The following TAS2R1 variants were observed in gnomAD, a reference collection of about 807,000 sequenced individuals.
TAS2R1 encodes the protein taste 2 receptor member 1, also known as taste receptor type 2 member 1.
For synonymous variants in TAS2R1, 141 were observed against 134.2 expected (o/e 1.05, Z -0.35); for missense variants, 370 against 353.4 (o/e 1.05, Z -0.38).
At chr5:9,770,605 A>G in the TAS2R1 span, among the ~76,000 whole-genome samples, 2 of 151,874 alleles carry the variant, frequency 1.3e-5, no homozygotes, top group Non-Finnish European at 2.9e-5. Flanking sequence ...CAATTATAGA[A>G]ATATCTCACT....
the TAS2R1 span, among the ~76,000 whole-genome samples, chr5:9,719,853 G>A: frequency 1.4e-5 from 2 of 145,984 alleles, no homozygotes; most frequent in East Asian, 4.1e-4. Flanking sequence ...GGGAGGCGGA[G>A]CTTGCAGTGA....
At chr5:9,632,419 C>G (rs762690023), upstream of TAS2R1, among the ~76,000 whole-genome samples, 1 of 152,114 alleles carries the variant, frequency 6.6e-6, no homozygotes, top group Non-Finnish European at 1.5e-5. Context: ...GTGGCTGTGG[C>G]AATTTCTTAA....
intron 2 of TAS2R1, among the ~76,000 whole-genome samples, chr5:9,643,316 C>A (rs896921662): frequency 6.6e-6 from 1 of 152,182 alleles, no homozygotes; most frequent in African/African-American, 2.4e-5. Context: ...ATCTGTACAA[C>A]ATGTTACTGT....
At chr5:9,676,021 A>C (rs1047474856) in intron 1 of TAS2R1, among the ~76,000 whole-genome samples, 6 of 152,144 alleles carry the variant, frequency 3.9e-5, no homozygotes, top group Admixed American at 3.3e-4. Context: ...TGTTGAGATA[A>C]ATTCCTTTTA....
At chr5:9,852,114 C>T in the TAS2R1 span, among the ~76,000 whole-genome samples, 1 of 152,066 alleles carries the variant, frequency 6.6e-6, no homozygotes, top group Non-Finnish European at 1.5e-5. Flanking sequence ...TATAGATGTG[C>T]TTAAAAAATC....
the TAS2R1 span, among the ~76,000 whole-genome samples, chr5:9,741,857 T>G: frequency 5.3e-5 from 8 of 152,102 alleles, no homozygotes; most frequent in Non-Finnish European, 2.9e-5. Context: ...TAAGGCTTTC[T>G]CCCCTGTGTC....
chr5:9,836,375 G>T, the TAS2R1 span, among the ~76,000 whole-genome samples: 28 of 152,172 alleles, frequency 1.8e-4, no homozygotes, highest in Admixed American at 1.6e-3. Flanking sequence ...CTTGACCTTG[G>T]CACTACTGAC....
chr5:9,676,259 G>C (rs1261380700), intron 1 of TAS2R1, among the ~76,000 whole-genome samples: 1 of 152,060 alleles, frequency 6.6e-6, no homozygotes, highest in Admixed American at 6.6e-5. Flanking sequence ...CTGGTATTTT[G>C]TTGAGGAAAA....
the TAS2R1 span, among the ~76,000 whole-genome samples, chr5:9,797,974 TA>T: frequency 8.7e-3 from 1,332 of 152,282 alleles, 19 homozygotes; most frequent in African/African-American, 0.031. Flanking sequence ...CACGATAGTT[TA>T]AAAGTGGAAA....
the TAS2R1 span, among the ~76,000 whole-genome samples, chr5:9,787,633 T>C: frequency 2.0e-5 from 3 of 152,240 alleles, no homozygotes; most frequent in South Asian, 6.2e-4. Context: ...AACCTGGTAA[T>C]TTATTTCTTG....
At chr5:9,814,344 C>G in the TAS2R1 span, among the ~76,000 whole-genome samples, 1 of 151,680 alleles carries the variant, frequency 6.6e-6, no homozygotes, top group African/African-American at 2.4e-5. Context: ...AGAATTTTTT[C>G]TCACTTTAAG....
chr5:9,729,371 GC>G, the TAS2R1 span, among the ~76,000 whole-genome samples: 1 of 152,146 alleles, frequency 6.6e-6, no homozygotes, highest in African/African-American at 2.4e-5. Flanking sequence ...CACAAGGCTG[GC>G]TCTTGCCTCC....
the TAS2R1 span, among the ~76,000 whole-genome samples, chr5:9,738,989 T>C: frequency 1.3e-5 from 2 of 152,350 alleles, no homozygotes; most frequent in South Asian, 4.1e-4. Context: ...CTGGCTATTT[T>C]AATTCAGTTA....
At chr5:9,646,363 T>C (rs560039019) in intron 2 of TAS2R1, among the ~76,000 whole-genome samples, 9 of 152,296 alleles carry the variant, frequency 5.9e-5, no homozygotes, top group African/African-American at 1.9e-4. Flanking sequence ...GAACAGAATG[T>C]CTTTGGCATT....
At chr5:9,886,110 C>T in the TAS2R1 span, among the ~76,000 whole-genome samples, 1 of 151,318 alleles carries the variant, frequency 6.6e-6, no homozygotes, top group Non-Finnish European at 1.5e-5. Context: ...TGGCTCACTG[C>T]AACCTCCACC....
rs527439871 is a variant in TAS2R1 at position 9,655,357 on chromosome 5, A to G, written c.-81+4064T>C. On this transcript the variant is annotated intron_variant, in intron 2 of 2. Transcript: ENST00000506620. Reference sequence around the variant, plus strand: ...AAGGAAAAGACTGACAAATATAACTACTTCAAAATTTAAATTTCTGTAGGA... The same window carrying G: ...AAGGAAAAGACTGACAAATATAACTGCTTCAAAATTTAAATTTCTGTAGGA... Among the ~76,000 whole-genome samples, 11 of 152,342 alleles carry G rather than the reference A, an allele frequency of 7.2e-5. No individual in the cohort carries two copies. The South Asian group carries it at 2.3e-3, about 32-fold the overall frequency.
the TAS2R1 span, among the ~76,000 whole-genome samples, chr5:9,733,245 T>C: frequency 1.3e-5 from 2 of 152,260 alleles, no homozygotes; most frequent in African/African-American, 4.8e-5. Context: ...TCTGTTTTTG[T>C]GAATAAAGTT....
the TAS2R1 span, among the ~76,000 whole-genome samples, chr5:9,847,103 T>G: frequency 6.6e-6 from 1 of 152,186 alleles, no homozygotes. Flanking sequence ...ACAGGAAAAC[T>G]TCATAGATGA....
At chr5:9,848,173 A>G in the TAS2R1 span, among the ~76,000 whole-genome samples, 1 of 152,342 alleles carries the variant, frequency 6.6e-6, no homozygotes. Context: ...TTCTGTCAGC[A>G]ATAAATTCCG....
Sources: gnomAD v4.1 joint callset for allele counts (sites outside exome capture counted in the v4.1 genomes callset) on GRCh38, gnomAD v4.1.1 for gene constraint, MANE v1.5 for transcripts, NCBI Gene and HGNC (gene_info 2026-07-23, HGNC 2026-07-21) for gene names.